Variants in ARHGAP32 observed in about 807,000 individuals in gnomAD.
ARHGAP32 encodes the protein rho GTPase-activating protein 32.
ARHGAP32 carries 51 observed loss-of-function variants against 186.5 expected under a neutral mutation model. That is an observed-to-expected ratio of 0.27 (90% CI 0.22 to 0.35). ARHGAP32 has a LOEUF of 0.35. Among genes scored for constraint, ARHGAP32 ranks in the 10% least tolerant of loss-of-function variants. ARHGAP32 has a pLI of 1.00. For missense variants in ARHGAP32, 2,186 were observed against 2,623.5 expected (o/e 0.83, Z 3.64); for synonymous variants, 950 against 964.3 (o/e 0.99, Z 0.27).
At chr11:129,126,611 A>G (rs1038874513) in intron 2 of ARHGAP32, among the ~76,000 whole-genome samples, 23 of 152,242 alleles carry the variant, frequency 1.5e-4, no homozygotes, top group Admixed American at 7.9e-4. Flanking sequence ...AGGTGGGTAC[A>G]AAGAGACAAC....
At chr11:129,223,190 A>T (rs1480064873) in intron 1 of ARHGAP32, among the ~76,000 whole-genome samples, 1 of 152,200 alleles carries the variant, frequency 6.6e-6, no homozygotes, top group Non-Finnish European at 1.5e-5. Flanking sequence ...AATTCAGAAT[A>T]GCAACATCCC....
At chr11:129,221,512 T>A (rs1195436082) in intron 1 of ARHGAP32, among the ~76,000 whole-genome samples, 1 of 145,214 alleles carries the variant, frequency 6.9e-6, no homozygotes, top group East Asian at 2.0e-4. Flanking sequence ...TGTGTGTGTG[T>A]GTGTGTGTGT....
At chr11:129,250,315 T>C (rs918954615) in intron 1 of ARHGAP32, among the ~76,000 whole-genome samples, 2 of 152,204 alleles carry the variant, frequency 1.3e-5, no homozygotes, top group Non-Finnish European at 2.9e-5. Flanking sequence ...CTAACTGCTG[T>C]GAAGATTTTG....
rs752691213 is a variant in ARHGAP32, at chr11:129,066,754, C to G, written c.646G>C (p.Asp216His). 4 of 1,612,202 alleles carry G rather than the reference C, an allele frequency of 2.5e-6. No individual in the cohort carries two copies. In the South Asian group the frequency reaches 4.4e-5, roughly 18 times the overall value. Residue 216 changes from aspartate to histidine, a missense_variant, in exon 7 of 23, where the codon GAC becomes CAC. Physicochemically the swap from Asp to His is moderately conservative, Grantham distance 81. Around this residue, in one of 5 missense-constraint regions of ARHGAP32, gnomAD observed 308 missense variants for 596.5 expected, o/e 0.52. Coordinates refer to ENST00000682385, the MANE Select transcript of ARHGAP32 (RefSeq NM_001378024.1). ...FSQLSELPRS[D>H]TLKDSPESVT... Reference sequence around the variant, plus strand: ...ACCTCTGGACTGTCCTTCAGGGTGTCAGAACGGGGAAGTTCTGAGAGCTGG... The same window carrying G: ...ACCTCTGGACTGTCCTTCAGGGTGTGAGAACGGGGAAGTTCTGAGAGCTGG...
intron 2 of ARHGAP32, among the ~76,000 whole-genome samples, chr11:129,155,743 T>C (rs1222766771): frequency 6.6e-6 from 1 of 150,782 alleles, no homozygotes; most frequent in Non-Finnish European, 1.5e-5. Context: ...GTGAGAATAG[T>C]TGCTTAAAGA....
intron 6 of ARHGAP32, among the ~76,000 whole-genome samples, chr11:129,070,390 T>C (rs527324950): frequency 1.5e-4 from 23 of 152,160 alleles, no homozygotes; most frequent in African/African-American, 5.3e-4. Flanking sequence ...GCATGGAGTA[T>C]AGCAGGCAAA....
chr11:129,174,063 G>T (rs1399095291), intron 1 of ARHGAP32, among the ~76,000 whole-genome samples: 1 of 152,326 alleles, frequency 6.6e-6, no homozygotes, highest in South Asian at 2.1e-4. Context: ...CCAGACAGTG[G>T]GCACAGGACA....
intron 1 of ARHGAP32, among the ~76,000 whole-genome samples, chr11:129,260,055 A>T (rs1945302425): frequency 6.6e-6 from 1 of 152,164 alleles, no homozygotes; most frequent in Non-Finnish European, 1.5e-5. Flanking sequence ...GTTCCATGGT[A>T]GTTACAAACA....
At chr11:129,074,260 CTA>C (rs1940966361) in intron 6 of ARHGAP32, among the ~76,000 whole-genome samples, 1 of 94,398 alleles carries the variant, frequency 1.1e-5, no homozygotes. Flanking sequence ...ATGTACTTGA[CTA>C]TGTGTGTTTT....
intron 1 of ARHGAP32, among the ~76,000 whole-genome samples, chr11:129,177,028 A>G (rs1762963308): frequency 6.7e-6 from 1 of 149,952 alleles, no homozygotes; most frequent in Non-Finnish European, 1.5e-5. Context: ...AACAAAATGG[A>G]TAGACCGCTA....
chr11:129,224,170 C>T (rs1565473089), intron 1 of ARHGAP32, among the ~76,000 whole-genome samples: 1 of 152,218 alleles, frequency 6.6e-6, no homozygotes, highest in Non-Finnish European at 1.5e-5. Context: ...CTATGCACTA[C>T]ACCATCCACA....
chr11:129,198,121 A>C (rs1286953841), intron 1 of ARHGAP32, among the ~76,000 whole-genome samples: 1 of 152,244 alleles, frequency 6.6e-6, no homozygotes, highest in Non-Finnish European at 1.5e-5. Context: ...ACATGTATTC[A>C]AAGGGAGATC....
chr11:129,090,121 A>C (rs1941532103), intron 6 of ARHGAP32, among the ~76,000 whole-genome samples: 1 of 152,240 alleles, frequency 6.6e-6, no homozygotes, highest in African/African-American at 2.4e-5. Flanking sequence ...TATGAGGTTA[A>C]ATAAAAATCC....
intron 11 of ARHGAP32, among the ~76,000 whole-genome samples, chr11:129,011,486 C>T (rs1938076996): frequency 6.6e-6 from 1 of 152,136 alleles, no homozygotes; most frequent in South Asian, 2.1e-4. Flanking sequence ...GGAACAGTTT[C>T]TCTGAGGAAG....
At chr11:129,032,596 T>C (rs1045737716) in intron 11 of ARHGAP32, among the ~76,000 whole-genome samples, 1 of 152,234 alleles carries the variant, frequency 6.6e-6, no homozygotes, top group African/African-American at 2.4e-5. Context: ...GTTTAGTACA[T>C]AGGCTTCTAC....
intron 12 of ARHGAP32, among the ~76,000 whole-genome samples, chr11:128,990,758 T>C (rs2134685484): frequency 6.6e-6 from 1 of 152,342 alleles, no homozygotes; most frequent in East Asian, 1.9e-4. Context: ...TAGGTTTCAA[T>C]TCTAAAAACT....
intron 10 of ARHGAP32, among the ~76,000 whole-genome samples, chr11:129,060,693 TAAC>T (rs1940464487): frequency 6.6e-6 from 1 of 152,154 alleles, no homozygotes; most frequent in Non-Finnish European, 1.5e-5. Context: ...TTTCTGGTCT[TAAC>T]AACCAAATTA....
intron 2 of ARHGAP32, among the ~76,000 whole-genome samples, chr11:129,137,142 G>GA (rs548500173): frequency 2.4e-4 from 33 of 140,326 alleles, no homozygotes; most frequent in African/African-American, 3.9e-4. Context: ...TATATGAACT[G>GA]AAAAAAAAAA....
Position 128,970,111 on chromosome 11 carries a change from C to T in ARHGAP32, c.5102G>A (p.Arg1701Gln), listed in dbSNP as rs148525331. The T allele has an allele frequency of 5.1e-5, 82 of 1,614,170 alleles. 1 individual carries two copies. The African/African-American group carries it at 6.4e-4, about 13-fold the overall frequency. The change falls in exon 23 of 23, where the codon CGA (arginine) becomes CAA (glutamine). Residue 1701 changes from arginine to glutamine, a missense_variant. Arg to Gln is a conservative substitution (Grantham distance 43, BLOSUM62 1). Transcript: ENST00000682385. This position sits in a 1 kb window ranked among gnomAD's most constrained non-coding sequence, Gnocchi z 5.8. ...CCTAGGATTGTAGAAAGCAAAGTCT[C>T]GATTGGGAAGGCGGTGAAGGGGTCT... ...QLRPLHRLPN[R>Q]DFAFYNPRLQ...
Sources: gnomAD v4.1 joint callset for allele counts (sites outside exome capture counted in the v4.1 genomes callset) on GRCh38, gnomAD v4.1.1 for gene constraint, gnomAD v4.1.1 regional missense constraint, Gnocchi (gnomAD v3.1) non-coding constraint, MANE v1.5 for transcripts, NCBI Gene and HGNC (gene_info 2026-07-23, HGNC 2026-07-21) for gene names.